The following TNFAIP8L3 variants were observed in gnomAD, a reference collection of about 807,000 sequenced individuals.
TNFAIP8L3 encodes the protein tumor necrosis factor alpha-induced protein 8-like protein 3.
Under a neutral mutation model 11.8 loss-of-function variants are expected in TNFAIP8L3, and 7 were observed. That is an observed-to-expected ratio of 0.59 (90% CI 0.34 to 1.11). TNFAIP8L3 has a LOEUF of 1.11. Ranked by LOEUF, TNFAIP8L3 falls within the 50% of genes most tolerant of loss-of-function variation. The probability of loss-of-function intolerance (pLI) is 0.03; values close to 1 mark genes in which losing one functional copy is unlikely to be tolerated. For synonymous variants in TNFAIP8L3, 98 were observed against 103.8 expected (o/e 0.94, Z 0.34); for missense variants, 219 against 258.6 (o/e 0.85, Z 1.05).
chr15:51,085,306 T>C (rs1772930147), intron 1 of TNFAIP8L3, among the ~76,000 whole-genome samples: 1 of 152,214 alleles, frequency 6.6e-6, no homozygotes, highest in African/African-American at 2.4e-5. Context: ...TTTGCAATTG[T>C]CACTGGGCAT....
At chr15:51,077,238 C>T (rs62018210) in intron 1 of TNFAIP8L3, among the ~76,000 whole-genome samples, 1 of 152,212 alleles carries the variant, frequency 6.6e-6, no homozygotes, top group African/African-American at 2.4e-5. Flanking sequence ...TGCTGGCTCT[C>T]CCCAAGGCCT....
chr15:51,096,713 G>T (rs1371796800), upstream of TNFAIP8L3, among the ~76,000 whole-genome samples: 1 of 152,004 alleles, frequency 6.6e-6, no homozygotes, highest in Non-Finnish European at 1.5e-5. Context: ...CCAACATGGA[G>T]AAACTCTGTC....
Position 51,071,030 on chromosome 15 carries a change from G to A in TNFAIP8L3, c.53-12587C>T, listed in dbSNP as rs1165765234. ...CCCGCCACTGCACTCCAGCCTGGGC[G>A]ACAGAGCGAGACTCCGTCTCAAAAA... On this transcript the variant is annotated intron_variant, in intron 1 of 1. Transcript: ENST00000637513. Among the ~76,000 whole-genome samples, 4 of 111,530 alleles carry A rather than the reference G, an allele frequency of 3.6e-5. No homozygotes were observed. The East Asian group carries it at 1.2e-3, about 32-fold the overall frequency. The allele number at this position is 111,530 out of a possible 152,430, so 73.2% of individuals were successfully genotyped here. A position where few individuals can be genotyped will look rare whatever the true frequency, so the allele number is the denominator to read the frequency against.
At chr15:51,072,129 T>C (rs1354461412) in intron 1 of TNFAIP8L3, among the ~76,000 whole-genome samples, 1 of 151,738 alleles carries the variant, frequency 6.6e-6, no homozygotes, top group Non-Finnish European at 1.5e-5. Context: ...TTATGGTGTC[T>C]TTAATCATAC....
At chr15:51,080,942 C>A (rs1446023935) in intron 1 of TNFAIP8L3, among the ~76,000 whole-genome samples, 1 of 152,226 alleles carries the variant, frequency 6.6e-6, no homozygotes, top group Non-Finnish European at 1.5e-5. Context: ...TGTTGGAAAT[C>A]ATTTGCCTTG....
intron 1 of TNFAIP8L3, among the ~76,000 whole-genome samples, chr15:51,104,503 G>A (rs1310408913): frequency 6.6e-6 from 1 of 152,190 alleles, no homozygotes; most frequent in Non-Finnish European, 1.5e-5. Flanking sequence ...TCTGCGCCAT[G>A]TCAGTCTGTT....
At chr15:51,097,994 A>T (rs935588140), upstream of TNFAIP8L3, among the ~76,000 whole-genome samples, 6 of 152,166 alleles carry the variant, frequency 3.9e-5, no homozygotes, top group Admixed American at 3.9e-4. Flanking sequence ...CAGTGTTTCC[A>T]CTACATCTTT....
intron 1 of TNFAIP8L3, among the ~76,000 whole-genome samples, chr15:51,081,693 G>C (rs945497978): frequency 8.5e-5 from 13 of 152,158 alleles, no homozygotes; most frequent in Admixed American, 7.2e-4. Context: ...AAAACACTAA[G>C]AATGGGTGGA....
At chr15:51,091,856 A>G (rs1462948459) in intron 1 of TNFAIP8L3, among the ~76,000 whole-genome samples, 2 of 152,222 alleles carry the variant, frequency 1.3e-5, no homozygotes, top group Non-Finnish European at 2.9e-5. Context: ...TTAAAACACT[A>G]GAGTTCATTA....
chr15:51,079,507 G>A (rs2065376693), intron 1 of TNFAIP8L3, among the ~76,000 whole-genome samples: 1 of 152,130 alleles, frequency 6.6e-6, no homozygotes, highest in Admixed American at 6.5e-5. Context: ...ACATTTTATT[G>A]AAATGCATTC....
At chr15:51,100,446 T>G (rs765290308) in intron 1 of TNFAIP8L3, among the ~76,000 whole-genome samples, 2 of 152,180 alleles carry the variant, frequency 1.3e-5, no homozygotes, top group Non-Finnish European at 2.9e-5. Flanking sequence ...ATTTGATGCT[T>G]GTGCTTATCA....
rs972615121 is a variant in TNFAIP8L3 at position 51,094,263 on chromosome 15, C to G, written c.52+281G>C. 6.6e-6 allele frequency among the ~76,000 whole-genome samples: 1 copy of G among 152,224 alleles called. No homozygotes were observed. Among genetic ancestry groups the G allele is most frequent in the Admixed American group, 6.5e-5 (1 of 15,292 alleles). On this transcript the variant is annotated intron_variant, in intron 1 of 1. Coordinates refer to ENST00000637513, the MANE Select transcript of TNFAIP8L3 (RefSeq NM_001311175.2). The surrounding 1 kb of genome is among the most constrained non-coding windows in gnomAD (Gnocchi z 4.4). ...CAGCAAACTACAGTACGCGGATTCC[C>G]GAACCCTTCCCCGCCCCCACCCAGC...
intron 1 of TNFAIP8L3, among the ~76,000 whole-genome samples, chr15:51,075,529 C>T (rs1048918090): frequency 1.1e-4 from 16 of 152,322 alleles, no homozygotes; most frequent in African/African-American, 3.8e-4. Context: ...TCTCTCTCTG[C>T]TGGCAGCTCC....
chr15:51,078,991 C>T (rs766717855), intron 1 of TNFAIP8L3, among the ~76,000 whole-genome samples: 8 of 152,194 alleles, frequency 5.3e-5, no homozygotes, highest in Non-Finnish European at 8.8e-5. Flanking sequence ...TGACAGCAGG[C>T]TTCGATGATG....
chr15:51,094,578 C>A lies in TNFAIP8L3; in HGVS notation c.18G>T (p.Gly6=). The change falls in exon 1 of 2, where the codon GGG becomes GGT. Residue 6 remains glycine, a synonymous_variant. Coordinates refer to ENST00000637513, the MANE Select transcript of TNFAIP8L3 (RefSeq NM_001311175.2). The surrounding 1 kb of genome is among the most constrained non-coding windows in gnomAD (Gnocchi z 4.4). ...TCACGGGCTCGCCCTCGCTCTGCTC[C>A]CCGGAATCCGAATCCATGCTGCGGG... MDSDS[G]EQSEGEPVTA... 1 of 1,501,888 alleles carries A rather than the reference C, an allele frequency of 6.7e-7. No homozygotes were observed. The highest frequency in any genetic ancestry group is 8.8e-7 in the Non-Finnish European group (1 of 1,130,398). 93.0% of individuals were successfully genotyped at this position (1,501,888 alleles called of 1,614,324 possible).
chr15:51,057,931 TG>T lies in TNFAIP8L3; in HGVS notation c.564del (p.Lys189ArgfsTer11). 2.5e-6 allele frequency: 4 copies of T among 1,602,804 alleles called. No individual in the cohort carries two copies. The highest frequency in any genetic ancestry group is 3.4e-6 in the Non-Finnish European group (4 of 1,176,124). ...YSLDGDCRPNLKRICEGINKL... is the reference protein window; with the variant it reads ...YSLDGDCRPNXKRICEGINKL... Reference sequence around the variant, plus strand: ...TTATTGATTCCTTCACAAATCCTCTTGAGGTTGGGCCTACAGTCTCCATCCA... The same window carrying T: ...TTATTGATTCCTTCACAAATCCTCTTAGGTTGGGCCTACAGTCTCCATCCA... On this transcript the variant is annotated frameshift_variant, in exon 2 of 2. Transcript: ENST00000637513. LOFTEE classifies it high-confidence loss of function.
intron 1 of TNFAIP8L3, among the ~76,000 whole-genome samples, chr15:51,067,328 C>A (rs994769471): frequency 6.6e-6 from 1 of 152,102 alleles, no homozygotes; most frequent in South Asian, 2.1e-4. Context: ...ACAGATACCC[C>A]GAGCTTACCC....
intron 1 of TNFAIP8L3, among the ~76,000 whole-genome samples, chr15:51,089,162 A>G (rs1325988087): frequency 6.6e-6 from 1 of 152,080 alleles, no homozygotes; most frequent in Non-Finnish European, 1.5e-5. Context: ...AACCTTGTAC[A>G]TGCTGCTGAC....
At chr15:51,076,072 A>G (rs561652906) in intron 1 of TNFAIP8L3, among the ~76,000 whole-genome samples, 3 of 152,294 alleles carry the variant, frequency 2.0e-5, no homozygotes, top group East Asian at 3.9e-4. Context: ...ATTTCAGTCA[A>G]TCTGAATGCG....
Sources: allele counts gnomAD v4.1 joint callset (sites outside exome capture counted in the v4.1 genomes callset), GRCh38; gene constraint gnomAD v4.1.1; non-coding constraint Gnocchi (gnomAD v3.1); transcripts MANE v1.5; gene names NCBI Gene and HGNC (gene_info 2026-07-23, HGNC 2026-07-21).